PAK3: variants seen among roughly 807,000 people sequenced by gnomAD.
PAK3 encodes serine/threonine-protein kinase PAK 3.
A neutral mutation model predicts 41.0 loss-of-function variants in PAK3; 4 were observed. The observed-to-expected ratio is 0.10, with a 90% CI of 0.05 to 0.22. The LOEUF is 0.22. Among genes scored for constraint, PAK3 ranks in the 10% least tolerant of loss-of-function variants. The pLI is 1.00. For missense variants in PAK3, 205 were observed against 409.9 expected (o/e 0.50, Z 4.32); for synonymous variants, 146 against 139.6 (o/e 1.05, Z -0.32).
intron 1 of PAK3, among the ~76,000 whole-genome samples, chrX:111,049,925 G>A (rs958199509): frequency 9.0e-6 from 1 of 111,431 alleles, no homozygotes; most frequent in African/African-American, 3.3e-5. Context: ...GACTGCCTCA[G>A]TGTGAGTTTA....
intron 1 of PAK3, among the ~76,000 whole-genome samples, chrX:111,013,076 A>C (rs112950252): frequency 8.9e-6 from 1 of 112,702 alleles, no homozygotes; most frequent in African/African-American, 3.2e-5. Flanking sequence ...GGCCCTGTTA[A>C]GATGTTCATA....
chrX:111,080,828 C>A (rs1032283373), intron 1 of PAK3, among the ~76,000 whole-genome samples: 1 of 111,838 alleles, frequency 8.9e-6, no homozygotes, highest in African/African-American at 3.3e-5. Context: ...ATGAAATTAG[C>A]CTACGTGTCC....
intron 10 of PAK3, among the ~76,000 whole-genome samples, chrX:111,164,120 AC>A (rs1286172773): frequency 4.5e-5 from 5 of 111,402 alleles, no homozygotes; most frequent in Non-Finnish European, 7.5e-5. Flanking sequence ...ACTTGGAACA[AC>A]AAATAATATA....
At chrX:111,066,867 A>G (rs2092705763) in intron 1 of PAK3, among the ~76,000 whole-genome samples, 1 of 112,283 alleles carries the variant, frequency 8.9e-6, no homozygotes, top group Admixed American at 9.4e-5. Flanking sequence ...ATTGAAGCTG[A>G]GAGAGGTTAA....
At chrX:111,042,197 C>A (rs929633334) in intron 1 of PAK3, among the ~76,000 whole-genome samples, 1 of 111,642 alleles carries the variant, frequency 9.0e-6, no homozygotes, top group African/African-American at 3.3e-5. Flanking sequence ...TTGATTGATA[C>A]CCTGTACCTC....
chrX:111,123,580 A>G (rs767456779), intron 5 of PAK3, among the ~76,000 whole-genome samples: 3 of 112,699 alleles, frequency 2.7e-5, no homozygotes, highest in South Asian at 7.3e-4. Context: ...CTTTCTGATA[A>G]TGTAGAGTAG....
chrX:111,029,984 C>T (rs919007361), intron 1 of PAK3, among the ~76,000 whole-genome samples: 1 of 112,029 alleles, frequency 8.9e-6, no homozygotes, highest in East Asian at 2.8e-4. Flanking sequence ...CAAAATATTA[C>T]AGCAGTACAG....
Position 111,220,945 on chromosome X carries a change from C to CAAAAAAAAAAAAAAAAAACAA in PAK3, c.*515_*516insACAAAAAAAAAAAAAAAAAAA. The CAAAAAAAAAAAAAAAAAACAA allele has an allele frequency of 2.0e-5, 1 of 49,447 alleles. No individual in the cohort carries two copies. Among genetic ancestry groups the CAAAAAAAAAAAAAAAAAACAA allele is most frequent in the African/African-American group, 8.5e-5 (1 of 11,723 alleles). 4.1% of individuals were successfully genotyped at this position (49,447 alleles called of 1,213,427 possible). On this transcript the variant is annotated 3_prime_UTR_variant, in exon 18 of 18. Coordinates refer to ENST00000372007, the MANE Select transcript of PAK3 (RefSeq NM_002578.5). Reference sequence around the variant, plus strand: ...AAAAAAGAAAGCAAAAAAAGCAAGGCAAAAAAAAAAAAAAAAACAAACAAA... The same window carrying CAAAAAAAAAAAAAAAAAACAA: ...AAAAAAGAAAGCAAAAAAAGCAAGGCAAAAAAAAAAAAAAAAAACAAAAAAAAAAAAAAAAAAACAAACAAA...
At chrX:110,966,942 T>A (rs752348581) in intron 1 of PAK3, among the ~76,000 whole-genome samples, 1 of 112,311 alleles carries the variant, frequency 8.9e-6, no homozygotes, top group East Asian at 2.8e-4. Context: ...CCCCCAAGAA[T>A]GCCCTGTACT....
At chrX:111,163,513 T>G in intron 9 of PAK3, 49 bp from the exon 10 acceptor site, 1 of 931,219 alleles carries the variant, frequency 1.1e-6, no homozygotes. Context: ...GACTCCACAC[T>G]CTTTCCTTGG....
intron 5 of PAK3, among the ~76,000 whole-genome samples, chrX:111,126,954 T>A (rs2093656357): frequency 2.7e-5 from 3 of 110,988 alleles, no homozygotes; most frequent in South Asian, 7.6e-4. Context: ...TTCATCAATG[T>A]CAAAAACTTG....
In PAK3 at chrX:111,178,959, T is replaced by TA. The variant is rs1569446438; in HGVS notation, c.830+5878_830+5879insA. Reference sequence around the variant, plus strand: ...GATGCACCTGCATACATAAACTGTTTTATATATATATATATATATATAGAG... The same window carrying TA: ...GATGCACCTGCATACATAAACTGTTTATATATATATATATATATATATAGAG... On this transcript the variant is annotated intron_variant, in intron 11 of 17. Transcript: ENST00000372007. 1.8e-4 allele frequency among the ~76,000 whole-genome samples: 18 copies of TA among 98,788 alleles called. 1 individual carries two copies. The highest frequency in any genetic ancestry group is 7.2e-4 in the African/African-American group (18 of 24,988). The allele number at this position is 98,788 out of a possible 115,157, so 85.8% of individuals were successfully genotyped here.
At position 111,117,437 on chromosome X, in the gene PAK3, A is replaced by T. The variant is rs376568192; in HGVS notation, c.-27-5640A>T. ...ATTCCTCATGTAAGAAATGGAGATG[A>T]TACTTTCTTCTTCGCAATGTTGATG... On this transcript the variant is annotated intron_variant, in intron 4 of 17. Transcript: ENST00000372007. 9.9e-5 allele frequency among the ~76,000 whole-genome samples: 11 copies of T among 111,614 alleles called. No homozygotes were observed. The East Asian group carries it at 3.1e-3, about 32-fold the overall frequency.
rs1237129542 is a variant in PAK3, at chrX:111,221,715, C to T, written c.*1268C>T. Reference sequence around the variant, plus strand: ...GCTACATCCCAATCAATATTTGGCTCTAAGTACCTCTTCCCATTTTTCCTA... The same window carrying T: ...GCTACATCCCAATCAATATTTGGCTTTAAGTACCTCTTCCCATTTTTCCTA... On this transcript the variant is annotated 3_prime_UTR_variant, in exon 18 of 18. Coordinates refer to ENST00000372007, the MANE Select transcript of PAK3 (RefSeq NM_002578.5). 1 of 111,698 alleles carries T rather than the reference C, an allele frequency of 9.0e-6. No individual in the cohort carries two copies. The highest frequency in any genetic ancestry group is 9.5e-5 in the Admixed American group (1 of 10,520). The allele number at this position is 111,698 out of a possible 1,213,427, so 9.2% of individuals were successfully genotyped here.
chrX:110,986,755 G>A (rs1011584729), intron 1 of PAK3, among the ~76,000 whole-genome samples: 2 of 90,094 alleles, frequency 2.2e-5, no homozygotes, highest in African/African-American at 4.8e-5. Context: ...CCAAGTGTAC[G>A]CGTGTGTGTG....
chrX:111,191,024 G>A (rs944398824), intron 11 of PAK3, among the ~76,000 whole-genome samples: 14 of 112,205 alleles, frequency 1.2e-4, no homozygotes, highest in African/African-American at 4.5e-4. Flanking sequence ...TGCAAAGCAA[G>A]GGAACCCCAT....
intron 6 of PAK3, chrX:111,146,425 C>A: frequency 3.4e-6 from 2 of 586,056 alleles, no homozygotes; most frequent in East Asian, 3.6e-5. Flanking sequence ...GGGACTCCCC[C>A]CATTCAGACC....
Position 111,070,557 on chromosome X carries a change from C to T in PAK3, c.-27-52520C>T, listed in dbSNP as rs1045273651. On this transcript the variant is annotated intron_variant, in intron 1 of 14. Transcript: ENST00000425146. ...TCTTTGACTGCAAAAGTATCTGAAA[C>T]GAAGGGTAAGGCCTTTGTGTACTTG... is the stretch of plus-strand genomic sequence containing the variant. 2.6e-4 allele frequency among the ~76,000 whole-genome samples: 29 copies of T among 111,822 alleles called. 1 individual carries two copies. The highest frequency in any genetic ancestry group is 1.3e-3 in the Admixed American group (14 of 10,540).
At chrX:111,193,099 T>G (rs2094575184) in intron 13 of PAK3, among the ~76,000 whole-genome samples, 1 of 111,660 alleles carries the variant, frequency 9.0e-6, no homozygotes, top group African/African-American at 3.3e-5. Flanking sequence ...ATTAACAGTG[T>G]GTTATAAATA....
Sources: gnomAD v4.1 joint callset for allele counts (sites outside exome capture counted in the v4.1 genomes callset) on GRCh38, gnomAD v4.1.1 for gene constraint, MANE v1.5 for transcripts, NCBI Gene and HGNC (gene_info 2026-07-23, HGNC 2026-07-21) for gene names.